The following TFCP2L1 variants were observed in gnomAD, a reference collection of about 807,000 sequenced individuals.
The protein encoded by TFCP2L1 is transcription factor CP2-like protein 1.
A neutral mutation model predicts 72.2 loss-of-function variants in TFCP2L1; 12 were observed. The observed-to-expected ratio is 0.17, with a 90% CI of 0.11 to 0.27. TFCP2L1 has a LOEUF of 0.27. Ranked by LOEUF, TFCP2L1 falls within the 10% of genes least tolerant of loss-of-function variation. TFCP2L1 has a pLI of 1.00. For missense variants in TFCP2L1, 488 were observed against 624.6 expected, an observed-to-expected ratio of 0.78 and a Z score of 2.33; for synonymous variants, 260 against 251.0, an observed-to-expected ratio of 1.04 and a Z score of -0.34.
intron 5 of TFCP2L1, among the ~76,000 whole-genome samples, chr2:121,247,529 ATAT>A (rs1367149032): frequency 6.6e-6 from 1 of 151,976 alleles, no homozygotes; most frequent in African/African-American, 2.4e-5. Flanking sequence ...ATTTTTAAAC[ATAT>A]TAAGAGTATT....
chr2:121,234,389 G>A (rs1686202914), intron 11 of TFCP2L1, 195 bp from the exon 12 acceptor site: 2 of 578,124 alleles, frequency 3.5e-6, no homozygotes, highest in Non-Finnish European at 6.2e-6. Context: ...CTCTGCCCCA[G>A]ACCATGAAGC....
chr2:121,231,775 C>T (rs1327080303), intron 13 of TFCP2L1, 51 bp downstream of exon 13: 2 of 1,597,086 alleles, frequency 1.3e-6, no homozygotes, highest in Admixed American at 1.7e-5. Flanking sequence ...TCTGACACTC[C>T]TCCCGTGGCC....
chr2:121,229,857 C>T (rs1416008524), intron 13 of TFCP2L1, among the ~76,000 whole-genome samples: 1 of 152,200 alleles, frequency 6.6e-6, no homozygotes, highest in Non-Finnish European at 1.5e-5. Context: ...CAATTCCAAA[C>T]CCTGCATTTT....
chr2:121,240,463 T>C, intron 7 of TFCP2L1: 1 of 985,288 alleles, frequency 1.0e-6, no homozygotes. Flanking sequence ...CAAACTATAG[T>C]GTTGGTAAAT....
At chr2:121,244,461 G>T (rs1686441467) in intron 6 of TFCP2L1, among the ~76,000 whole-genome samples, 1 of 152,184 alleles carries the variant, frequency 6.6e-6, no homozygotes, top group Non-Finnish European at 1.5e-5. Context: ...GGCATTCTGA[G>T]GAGCCAGTTT....
rs1685937492 is a variant in TFCP2L1, at chr2:121,222,016, CA to C, written c.*2324del. On this transcript the variant is annotated 3_prime_UTR_variant, in exon 15 of 15. Transcript: ENST00000263707. ...CAAAGGACCTGGATAGACCTTTCTC[CA>C]AAGAAATACGCATGGCCCGTAAGCA... 6.6e-6 allele frequency: 1 copy of C among 151,976 alleles called. No homozygotes were observed. The highest frequency in any genetic ancestry group is 2.4e-5 in the African/African-American group (1 of 41,352). The allele number at this position is 151,976 out of a possible 1,614,324, so 9.4% of individuals were successfully genotyped here. A position where few individuals can be genotyped will look rare whatever the true frequency, so the allele number is the denominator to read the frequency against.
At chr2:121,249,134 G>C in intron 3 of TFCP2L1, 47 bp from the exon 4 acceptor site, 1 of 1,396,684 alleles carries the variant, frequency 7.2e-7, no homozygotes, top group East Asian at 2.6e-5. Context: ...GGGGGGCCAA[G>C]AGGAACCCAC....
intron 6 of TFCP2L1, among the ~76,000 whole-genome samples, chr2:121,245,396 T>C (rs1210405413): frequency 6.6e-6 from 1 of 152,210 alleles, no homozygotes; most frequent in Non-Finnish European, 1.5e-5. Flanking sequence ...ACAGAGTTTT[T>C]AGTCATAAAA....
At chr2:121,250,700 G>A (rs574322348) in intron 2 of TFCP2L1, among the ~76,000 whole-genome samples, 41 of 150,742 alleles carry the variant, frequency 2.7e-4, no homozygotes, top group African/African-American at 9.9e-4. Context: ...TCCGCCTTGT[G>A]GGTTCAAGTG....
rs139877824 is a variant in TFCP2L1, at chr2:121,232,784, C to T, written c.1199-816G>A. Among the ~76,000 whole-genome samples the T allele has an allele frequency of 2.6e-5, 4 of 152,230 alleles. No individual in the cohort carries two copies. In the East Asian group the frequency reaches 7.7e-4, roughly 29 times the overall value. On this transcript the variant is annotated intron_variant, in intron 12 of 14. Transcript: ENST00000263707. ...CAGTAACCCTAAGGAGAGAAGAGAGCACCAGGAGGGCACCATGGTGTCAGC... is the reference window on the plus strand; with the variant it reads ...CAGTAACCCTAAGGAGAGAAGAGAGTACCAGGAGGGCACCATGGTGTCAGC...
intron 2 of TFCP2L1, among the ~76,000 whole-genome samples, chr2:121,263,595 T>C (rs1686869911): frequency 6.6e-6 from 1 of 152,088 alleles, no homozygotes. Flanking sequence ...CCATGCAAAT[T>C]AGAAAGGATT....
In TFCP2L1 at chr2:121,259,090, A is replaced by C. The variant is rs186175945; in HGVS notation, c.215-9443T>G. Among the ~76,000 whole-genome samples the C allele has an allele frequency of 5.8e-4, 89 of 152,264 alleles. 2 individuals carry two copies. The highest frequency in any genetic ancestry group is 5.4e-3 in the Admixed American group (82 of 15,288). On this transcript the variant is annotated intron_variant, in intron 2 of 14. Transcript: ENST00000263707. ...TGGTGAAACCCTGTCTCTAGTAAAA[A>C]TACAAAATTAGCCGGATGCGGTGGC...
At chr2:121,231,318 C>A (rs1038938045) in intron 13 of TFCP2L1, among the ~76,000 whole-genome samples, 3 of 152,220 alleles carry the variant, frequency 2.0e-5, no homozygotes, top group Admixed American at 6.5e-5. Flanking sequence ...GGGTCAGATC[C>A]CTGGAGACCA....
Position 121,275,398 on chromosome 2 carries a change from CA to C in TFCP2L1, c.214+5721del, listed in dbSNP as rs575514638. On this transcript the variant is annotated intron_variant, in intron 2 of 14. Transcript: ENST00000263707. Reference sequence around the variant, plus strand: ...TGGGCGACAGCACGAGACTCCATCTCAAAAAAAAAAAAAAAAAGAAATAACA... The same window carrying C: ...TGGGCGACAGCACGAGACTCCATCTCAAAAAAAAAAAAAAAAGAAATAACA... Among the ~76,000 whole-genome samples the C allele has an allele frequency of 2.0e-3, 133 of 65,726 alleles. 5 individuals carry two copies. The highest frequency in any genetic ancestry group is 5.3e-3 in the African/African-American group (78 of 14,602). 43.1% of individuals were successfully genotyped at this position (65,726 alleles called of 152,430 possible).
chr2:121,237,108 C>T (rs1046004559), intron 10 of TFCP2L1, among the ~76,000 whole-genome samples: 4 of 152,158 alleles, frequency 2.6e-5, no homozygotes, highest in Admixed American at 2.6e-4. Context: ...GCTCACTGCT[C>T]AGTTCACCTT....
chr2:121,224,940 G>A (rs11894539), intron 14 of TFCP2L1, among the ~76,000 whole-genome samples: 49,530 of 149,100 alleles, frequency 0.33, 8,488 homozygotes, highest in South Asian at 0.47. Flanking sequence ...AGCTGAGATC[G>A]CGCCATTGCC....
intron 2 of TFCP2L1, among the ~76,000 whole-genome samples, chr2:121,250,531 G>A (rs910289771): frequency 2.0e-5 from 3 of 151,478 alleles, no homozygotes; most frequent in Admixed American, 1.3e-4. Flanking sequence ...TTACAAGACT[G>A]TAGCATATAT....
At chr2:121,281,463 T>C (rs1449542217) in intron 1 of TFCP2L1, among the ~76,000 whole-genome samples, 192 bp from the exon 2 acceptor site, 7 of 151,978 alleles carry the variant, frequency 4.6e-5, no homozygotes, top group East Asian at 1.9e-4. Context: ...AACCGCTCCT[T>C]CGTGACTCTA....
At position 121,233,085 on chromosome 2, in the gene TFCP2L1, A is replaced by G. The variant is rs149233148; in HGVS notation, c.1198+1006T>C. On this transcript the variant is annotated intron_variant, in intron 12 of 14. Transcript: ENST00000263707. ...ATAATCCCAGCACTCTGCGTGGCCA[A>G]GGCAGGCGGATTTCTGGAGTCCAGG... Among the ~76,000 whole-genome samples, 6 of 152,340 alleles carry G rather than the reference A, an allele frequency of 3.9e-5. No individual in the cohort carries two copies. In the East Asian group the frequency reaches 1.2e-3, roughly 29 times the overall value.
Sources: allele counts gnomAD v4.1 joint callset (sites outside exome capture counted in the v4.1 genomes callset), GRCh38; gene constraint gnomAD v4.1.1; transcripts MANE v1.5; gene names NCBI Gene and HGNC (gene_info 2026-07-23, HGNC 2026-07-21).